Variants in CAMK1D observed in about 807,000 individuals in gnomAD.
CAMK1D encodes the protein calcium/calmodulin-dependent protein kinase type 1D.
A neutral mutation model predicts 47.7 loss-of-function variants in CAMK1D; 9 were observed. The observed-to-expected ratio is 0.19, with a 90% CI of 0.11 to 0.33. CAMK1D has a LOEUF of 0.33. Among genes scored for constraint, CAMK1D ranks in the 10% least tolerant of loss-of-function variants. The pLI is 1.00. For missense variants in CAMK1D, 291 were observed against 488.7 expected (o/e 0.60, Z 3.81); for synonymous variants, 184 against 184.9 (o/e 0.99, Z 0.04).
chr10:12,380,406 A>G (rs1002961906), intron 1 of CAMK1D, among the ~76,000 whole-genome samples: 6 of 152,174 alleles, frequency 3.9e-5, no homozygotes, highest in African/African-American at 1.4e-4. Flanking sequence ...TAGGTTTTGT[A>G]ATGATTATTG....
intron 1 of CAMK1D, among the ~76,000 whole-genome samples, chr10:12,487,770 A>C (rs1053968092): frequency 1.3e-5 from 2 of 152,250 alleles, no homozygotes; most frequent in Admixed American, 1.3e-4. Flanking sequence ...TAACAGCAGA[A>C]TGTTGGTTCT....
chr10:12,597,168 G>A (rs57519070), intron 2 of CAMK1D, among the ~76,000 whole-genome samples: 5,482 of 152,180 alleles, frequency 0.036, 271 homozygotes, highest in East Asian at 0.11. Context: ...GCAGTTGGAG[G>A]TGCAGTATCT....
intron 1 of CAMK1D, among the ~76,000 whole-genome samples, chr10:12,543,694 T>G (rs1836273580): frequency 6.6e-6 from 1 of 152,156 alleles, no homozygotes; most frequent in Non-Finnish European, 1.5e-5. Flanking sequence ...CACACGCATT[T>G]TTGTGTTGCT....
At chr10:12,458,228 C>G (rs1833316349) in intron 1 of CAMK1D, among the ~76,000 whole-genome samples, 1 of 152,114 alleles carries the variant, frequency 6.6e-6, no homozygotes, top group Non-Finnish European at 1.5e-5. Flanking sequence ...GCATTAAGGT[C>G]CAAGCTTTCC....
intron 3 of CAMK1D, among the ~76,000 whole-genome samples, chr10:12,685,353 C>A (rs11812574): frequency 6.6e-6 from 1 of 152,124 alleles, no homozygotes; most frequent in Non-Finnish European, 1.5e-5. Flanking sequence ...GTACTAGAAC[C>A]TTTAGTGACC....
At chr10:12,736,809 A>G (rs900076647) in intron 3 of CAMK1D, among the ~76,000 whole-genome samples, 3 of 152,172 alleles carry the variant, frequency 2.0e-5, no homozygotes, top group African/African-American at 4.8e-5. Context: ...CAGTGAGAGA[A>G]ACCCACGAGG....
chr10:12,708,702 T>C (rs1487531897), intron 3 of CAMK1D, among the ~76,000 whole-genome samples: 2 of 152,216 alleles, frequency 1.3e-5, no homozygotes, highest in Non-Finnish European at 2.9e-5. Flanking sequence ...CATGGCCTTT[T>C]GGACAGGTGG....
At chr10:12,548,747 G>A (rs1360577935) in intron 1 of CAMK1D, among the ~76,000 whole-genome samples, 1 of 152,098 alleles carries the variant, frequency 6.6e-6, no homozygotes, top group Admixed American at 6.5e-5. Context: ...TTATAGGCAT[G>A]AGCCACCGCG....
chr10:12,505,766 G>A (rs1834850145), intron 1 of CAMK1D, among the ~76,000 whole-genome samples: 1 of 152,130 alleles, frequency 6.6e-6, no homozygotes, highest in Non-Finnish European at 1.5e-5. Context: ...GTCTTTATTA[G>A]GGCCAGGACT....
At chr10:12,665,069 C>G (rs902268810) in intron 2 of CAMK1D, among the ~76,000 whole-genome samples, 1 of 152,114 alleles carries the variant, frequency 6.6e-6, no homozygotes, top group African/African-American at 2.4e-5. Context: ...TCTTGGTTTC[C>G]TTGGTGGCAT....
At position 12,831,310 on chromosome 10, in the gene CAMK1D, C is replaced by T. The variant is rs576958693; in HGVS notation, c.*2423C>T. 14 of 152,292 alleles carry T rather than the reference C, an allele frequency of 9.2e-5. No homozygotes were observed. The highest frequency in any genetic ancestry group is 2.9e-4 in the African/African-American group (12 of 41,556). 9.4% of individuals were successfully genotyped at this position (152,292 alleles called of 1,614,324 possible). A position where few individuals can be genotyped will look rare whatever the true frequency, so the allele number is the denominator to read the frequency against. ...TACTAAGAAGTGTCTTGGAAACATTCGAGTTCATACAGTGCATGACAAAGT... is the reference window on the plus strand; with the variant it reads ...TACTAAGAAGTGTCTTGGAAACATTTGAGTTCATACAGTGCATGACAAAGT... On this transcript the variant is annotated 3_prime_UTR_variant, in exon 11 of 11. Transcript: ENST00000619168.
At chr10:12,665,898 G>A (rs1840414525) in intron 2 of CAMK1D, among the ~76,000 whole-genome samples, 1 of 152,230 alleles carries the variant, frequency 6.6e-6, no homozygotes. Flanking sequence ...CAGACCCCCA[G>A]GCGATTCATC....
chr10:12,770,121 G>GT (rs1407861137), intron 5 of CAMK1D, among the ~76,000 whole-genome samples: 1 of 152,198 alleles, frequency 6.6e-6, no homozygotes, highest in Non-Finnish European at 1.5e-5. Context: ...GCATACATCT[G>GT]TTTCTGAGGG....
intron 1 of CAMK1D, among the ~76,000 whole-genome samples, chr10:12,503,815 T>TC (rs748459140): frequency 9.9e-5 from 15 of 152,174 alleles, no homozygotes; most frequent in Non-Finnish European, 1.9e-4. Flanking sequence ...TCGAGTATTT[T>TC]CCCTTGGAGT....
intron 3 of CAMK1D, among the ~76,000 whole-genome samples, chr10:12,731,309 G>A (rs116785002): frequency 0.018 from 2,745 of 152,294 alleles, 91 homozygotes; most frequent in African/African-American, 0.062. Flanking sequence ...GGTGGTGAAA[G>A]TCTGTGGGAA....
At chr10:12,601,172 GTTTT>G (rs61512069) in intron 2 of CAMK1D, among the ~76,000 whole-genome samples, 44,908 of 143,130 alleles carry the variant, frequency 0.31, 8,739 homozygotes, top group East Asian at 0.42. Context: ...TAAAATGATA[GTTTT>G]TTTTTTTTGT....
rs531288908 is a variant in CAMK1D, at chr10:12,768,325, G to A, written c.439-1348G>A. Among the ~76,000 whole-genome samples, 16 of 152,196 alleles carry A rather than the reference G, an allele frequency of 1.1e-4. No individual in the cohort carries two copies. The South Asian group carries it at 3.1e-3, about 30-fold the overall frequency. ...AGTTCCCAGCTTGACTTTTCCCTCC[G>A]GCTTAGTGATTTTGGGGTCCTGAGA... On this transcript the variant is annotated intron_variant, in intron 4 of 10. Transcript: ENST00000619168.
At chr10:12,713,688 G>A (rs1485260143) in intron 3 of CAMK1D, among the ~76,000 whole-genome samples, 1 of 152,172 alleles carries the variant, frequency 6.6e-6, no homozygotes, top group Admixed American at 6.6e-5. Context: ...GTCAGATGTG[G>A]GGAAGGGCAG....
chr10:12,652,561 C>T (rs1341698394), intron 2 of CAMK1D, among the ~76,000 whole-genome samples: 1 of 151,814 alleles, frequency 6.6e-6, no homozygotes, highest in Non-Finnish European at 1.5e-5. Flanking sequence ...GCACTCCAGC[C>T]TGGGCGACAG....
Sources: gnomAD v4.1 joint callset for allele counts (sites outside exome capture counted in the v4.1 genomes callset) on GRCh38, gnomAD v4.1.1 for gene constraint, MANE v1.5 for transcripts, NCBI Gene and HGNC (gene_info 2026-07-23, HGNC 2026-07-21) for gene names.